Variants in IL1RAPL1 observed in about 807,000 individuals in gnomAD.
The protein encoded by IL1RAPL1 is interleukin 1 receptor accessory protein like 1.
Under a neutral mutation model 48.4 loss-of-function variants are expected in IL1RAPL1, and 3 were observed. That is an observed-to-expected ratio of 0.06 (90% CI 0.03 to 0.16). The LOEUF (loss-of-function observed/expected upper bound fraction) is 0.16. Ranked by LOEUF, IL1RAPL1 falls within the 10% of genes least tolerant of loss-of-function variation. The pLI, the probability that IL1RAPL1 is intolerant of heterozygous loss-of-function variation, is 1.00. For synonymous variants in IL1RAPL1, 185 were observed against 187.7 expected, an observed-to-expected ratio of 0.99 and a Z score of 0.12; for missense variants, 349 against 530.6, an observed-to-expected ratio of 0.66 and a Z score of 3.36.
intron 3 of IL1RAPL1, among the ~76,000 whole-genome samples, chrX:29,345,070 C>A (rs999250708): frequency 8.9e-6 from 1 of 112,639 alleles, no homozygotes; most frequent in Non-Finnish European, 1.9e-5. Context: ...TTAATCGTTT[C>A]CTTATTGGTA....
chrX:28,896,738 CA>C (rs1922928423), intron 2 of IL1RAPL1, among the ~76,000 whole-genome samples: 1 of 109,895 alleles, frequency 9.1e-6, no homozygotes, highest in African/African-American at 3.3e-5. Flanking sequence ...TAGAAAGACT[CA>C]GCAATGCTTG....
intron 3 of IL1RAPL1, among the ~76,000 whole-genome samples, chrX:29,308,630 A>G (rs947179001): frequency 4.4e-5 from 5 of 112,470 alleles, no homozygotes; most frequent in Non-Finnish European, 9.4e-5. Flanking sequence ...AATATGTGTT[A>G]TTATACTGAA....
chrX:29,202,705 C>G (rs1930580607), intron 2 of IL1RAPL1, among the ~76,000 whole-genome samples: 1 of 111,956 alleles, frequency 8.9e-6, no homozygotes, highest in African/African-American at 3.2e-5. Flanking sequence ...CATGTCCTTT[C>G]CAGCAACATG....
At chrX:28,978,061 T>C (rs1165612200) in intron 2 of IL1RAPL1, among the ~76,000 whole-genome samples, 1 of 112,064 alleles carries the variant, frequency 8.9e-6, no homozygotes, top group Non-Finnish European at 1.9e-5. Context: ...AAGTGGGAAA[T>C]ACGGTCAAGA....
chrX:29,324,398 C>T (rs193078979), intron 3 of IL1RAPL1, among the ~76,000 whole-genome samples: 196 of 111,533 alleles, frequency 1.8e-3, no homozygotes, highest in Non-Finnish European at 3.2e-3. Context: ...CTGTGTAGAA[C>T]TGTGATTGGA....
intron 2 of IL1RAPL1, among the ~76,000 whole-genome samples, chrX:29,217,756 TTC>T (rs752532448): frequency 0.078 from 6,825 of 87,958 alleles, 287 homozygotes; most frequent in Middle Eastern, 0.11. Flanking sequence ...TATACATTTT[TTC>T]TCTCTCTCTC....
chrX:29,590,798 C>T (rs930005409), intron 5 of IL1RAPL1, among the ~76,000 whole-genome samples: 9 of 111,778 alleles, frequency 8.1e-5, no homozygotes, highest in African/African-American at 1.6e-4. Flanking sequence ...GACCACCTGA[C>T]GACAGAGTAG....
At chrX:29,300,884 A>G (rs1330569587) in intron 3 of IL1RAPL1, among the ~76,000 whole-genome samples, 5 of 111,632 alleles carry the variant, frequency 4.5e-5, no homozygotes, top group African/African-American at 1.6e-4. Context: ...TGAATATGAC[A>G]GCTCTCTCTT....
At position 29,143,405 on chromosome X, in the gene IL1RAPL1, C is replaced by G. The variant is rs932247203; in HGVS notation, c.83-139533C>G. ...AAAGATACAGTAGTTCCCCCTTAAC[C>G]ATAGTTTTGCTTTCTATGGTTTCAG... On this transcript the variant is annotated intron_variant, in intron 2 of 10. Transcript: ENST00000378993. 7.2e-5 allele frequency among the ~76,000 whole-genome samples: 8 copies of G among 111,875 alleles called. No homozygotes were observed. In the Admixed American group the frequency reaches 7.6e-4, roughly 11 times the overall value.
intron 2 of IL1RAPL1, among the ~76,000 whole-genome samples, chrX:29,137,170 C>A (rs945107828): frequency 1.8e-5 from 2 of 108,282 alleles, no homozygotes; most frequent in Non-Finnish European, 1.9e-5. Context: ...GCTACCTTGG[C>A]CTCAGCTACT....
intron 8 of IL1RAPL1, among the ~76,000 whole-genome samples, chrX:29,926,032 G>A (rs373169797): frequency 5.3e-4 from 57 of 106,715 alleles, no homozygotes; most frequent in African/African-American, 1.7e-3. Flanking sequence ...TTTTTGAGAC[G>A]GAGTCTCGCT....
chrX:28,708,138 T>A (rs1935397902), intron 1 of IL1RAPL1, among the ~76,000 whole-genome samples: 1 of 111,536 alleles, frequency 9.0e-6, no homozygotes, highest in Non-Finnish European at 1.9e-5. Context: ...CAAGTAGCCC[T>A]GGAGTTGTGG....
intron 2 of IL1RAPL1, among the ~76,000 whole-genome samples, chrX:29,111,742 T>C (rs1928571350): frequency 9.0e-6 from 1 of 111,191 alleles, no homozygotes; most frequent in Non-Finnish European, 1.9e-5. Flanking sequence ...TCCTCGATCC[T>C]TAATATTGTT....
At chrX:28,939,056 G>A (rs1569203794) in intron 2 of IL1RAPL1, among the ~76,000 whole-genome samples, 1 of 109,473 alleles carries the variant, frequency 9.1e-6, no homozygotes, top group Non-Finnish European at 1.9e-5. Context: ...TGGTTGTAGA[G>A]AAAAGAGAAC....
chrX:28,820,100 C>T (rs1376334504), intron 2 of IL1RAPL1, among the ~76,000 whole-genome samples: 1 of 99,514 alleles, frequency 1.0e-5, no homozygotes, highest in Admixed American at 1.1e-4. Context: ...CTATAAAATA[C>T]TACCTACTCA....
chrX:29,454,820 T>TC (rs1247354244), intron 5 of IL1RAPL1, among the ~76,000 whole-genome samples: 3 of 109,280 alleles, frequency 2.7e-5, no homozygotes, highest in African/African-American at 1.0e-4. Context: ...TTTTTTTTTT[T>TC]CTGTGTCTGC....
At chrX:29,296,258 T>G (rs892986751) in intron 3 of IL1RAPL1, among the ~76,000 whole-genome samples, 1 of 111,703 alleles carries the variant, frequency 9.0e-6, no homozygotes, top group East Asian at 2.8e-4. Flanking sequence ...GGTACAGCTA[T>G]GGGCCTTGAC....
chrX:28,642,537 AC>A (rs1050514639), intron 1 of IL1RAPL1, among the ~76,000 whole-genome samples: 1 of 112,192 alleles, frequency 8.9e-6, no homozygotes, highest in African/African-American at 3.2e-5. Flanking sequence ...TGGAAGCAGA[AC>A]AATCCTCTCC....
At chrX:28,878,062 C>T (rs1922417208) in intron 2 of IL1RAPL1, among the ~76,000 whole-genome samples, 3 of 111,791 alleles carry the variant, frequency 2.7e-5, no homozygotes, top group Non-Finnish European at 5.6e-5. Context: ...AGGAGAGGCA[C>T]TATTCAAAAG....
Sources: gnomAD v4.1 joint callset for allele counts (sites outside exome capture counted in the v4.1 genomes callset) on GRCh38, gnomAD v4.1.1 for gene constraint, MANE v1.5 for transcripts, NCBI Gene and HGNC (gene_info 2026-07-23, HGNC 2026-07-21) for gene names.